The following TMEM181 variants were observed in gnomAD, a reference collection of about 807,000 sequenced individuals.
TMEM181 encodes G protein-coupled receptor 178.
A neutral mutation model predicts 71.9 loss-of-function variants in TMEM181; 39 were observed. That is an observed-to-expected ratio of 0.54 (90% CI 0.42 to 0.71). TMEM181 has a LOEUF of 0.71. Among genes scored for constraint, TMEM181 ranks in the 30% least tolerant of loss-of-function variants. The pLI is 0.00. For synonymous variants in TMEM181, 245 were observed against 228.8 expected (o/e 1.07, Z -0.64); for missense variants, 595 against 583.0 (o/e 1.02, Z -0.21).
intron 4 of TMEM181, 62 bp downstream of exon 4, chr6:158,584,106 G>A: frequency 4.3e-6 from 6 of 1,393,070 alleles, no homozygotes; most frequent in Non-Finnish European, 6.0e-6. Context: ...TATTTTAGAT[G>A]TTGACTTCAG....
At chr6:158,556,192 T>TATGAAAAAGCTGCTACCAAAAAGAGGG (rs1781882023), upstream of TMEM181, among the ~76,000 whole-genome samples, 1 of 152,008 alleles carries the variant, frequency 6.6e-6, no homozygotes, top group Admixed American at 6.6e-5. Flanking sequence ...TCCAGAATAA[T>TATGAAAAAGCTGCTACCAAAAAGAGGG]ATGAAAAAGC....
At chr6:158,574,205 A>G (rs1170389694) in intron 2 of TMEM181, among the ~76,000 whole-genome samples, 1 of 152,194 alleles carries the variant, frequency 6.6e-6, no homozygotes, top group Non-Finnish European at 1.5e-5. Context: ...TTGACTTAAT[A>G]CTAAAGTGTG....
intron 1 of TMEM181, among the ~76,000 whole-genome samples, chr6:158,548,769 A>T (rs1781624649): frequency 6.6e-6 from 1 of 152,238 alleles, no homozygotes; most frequent in East Asian, 1.9e-4. Context: ...AGGAGGACGA[A>T]TAAAGGCTTG....
In TMEM181 at chr6:158,608,412, G is replaced by C. The variant is rs1201080514; in HGVS notation, c.753G>C (p.Leu251=). Residue 251 remains leucine (L), a synonymous_variant, in exon 9 of 17, where the codon CTG becomes CTC. Transcript: ENST00000684151. Reference sequence around the variant, plus strand: ...ATGACCTCTTTCAGTCCATGTTCCTGTGCGCCCTGCTGCTCTTCTGGCTGT... The same window carrying C: ...ATGACCTCTTTCAGTCCATGTTCCTCTGCGCCCTGCTGCTCTTCTGGCTGT... ...MLDDLFQSMF[L]CALLLFWLCV... The C allele has an allele frequency of 1.2e-6, 2 of 1,614,210 alleles. No individual in the cohort carries two copies. Among genetic ancestry groups the C allele is most frequent in the Non-Finnish European group, 1.7e-6 (2 of 1,180,042 alleles).
exon 1 of TMEM181, chr6:158,536,672 G>C (rs902662851): frequency 4.0e-6 from 6 of 1,516,844 alleles, no homozygotes; most frequent in Non-Finnish European, 5.3e-6. Context: ...GGAGAAGAGA[G>C]GGGGCGCAGG....
At chr6:158,571,561 G>A (rs1782847314) in intron 1 of TMEM181, among the ~76,000 whole-genome samples, 1 of 149,848 alleles carries the variant, frequency 6.7e-6, no homozygotes, top group Non-Finnish European at 1.5e-5. Flanking sequence ...GCCTCCCAAA[G>A]TGCTGGGATT....
At chr6:158,629,921 T>A in intron 15 of TMEM181, 102 bp downstream of exon 15, 1 of 936,610 alleles carries the variant, frequency 1.1e-6, no homozygotes, top group South Asian at 1.3e-5. Flanking sequence ...GTGGGCGCTG[T>A]GATTCCCAGT....
At chr6:158,569,580 G>T (rs929472056) in intron 1 of TMEM181, among the ~76,000 whole-genome samples, 3 of 151,754 alleles carry the variant, frequency 2.0e-5, no homozygotes, top group African/African-American at 7.3e-5. Context: ...GGCGGGTTGT[G>T]CCCTCATGCC....
chr6:158,632,143 G>A lies in TMEM181; in HGVS notation c.*255G>A, dbSNP rs144567368. 1.7e-4 allele frequency: 81 copies of A among 486,776 alleles called. No homozygotes were observed. Among genetic ancestry groups the A allele is most frequent in the African/African-American group, 1.3e-3 (65 of 51,912 alleles). The allele number at this position is 486,776 out of a possible 1,614,324, so 30.2% of individuals were successfully genotyped here. ...CAAATCCTTTTTTACAGAGATTTCA[G>A]ATGAGCGTGTTTTCAGTGATGAGGA... On this transcript the variant is annotated 3_prime_UTR_variant, in exon 17 of 17. Coordinates refer to ENST00000684151, the MANE Select transcript of TMEM181 (RefSeq NM_001376852.1).
At position 158,566,748 on chromosome 6, in the gene TMEM181, GTGAGGAGTTGAGGGAGGTGATGA is replaced by G. The variant is rs1414091477; in HGVS notation, c.8+6522_8+6544del. Among the ~76,000 whole-genome samples, 137 of 152,100 alleles carry G rather than the reference GTGAGGAGTTGAGGGAGGTGATGA, an allele frequency of 9.0e-4. 2 individuals carry two copies. The highest frequency in any genetic ancestry group is 3.4e-3 in the Middle Eastern group (1 of 294). The stretch of plus-strand genomic sequence containing the variant: ...AAGTGATACGGTGAGGGAGGTGATG[GTGAGGAGTTGAGGGAGGTGATGA>G]TGAGGCTGTGGAGAGACCGACGGAA... On this transcript the variant is annotated intron_variant, in intron 1 of 16. Transcript: ENST00000684151.
chr6:158,626,776 A>AGG, intron 13 of TMEM181: 1 of 456,798 alleles, frequency 2.2e-6, no homozygotes, highest in Non-Finnish European at 4.4e-6. Context: ...ATAGAGGCTC[A>AGG]CTCACACCTC....
chr6:158,613,364 T>G (rs1186402084), intron 10 of TMEM181, among the ~76,000 whole-genome samples: 1 of 152,242 alleles, frequency 6.6e-6, no homozygotes, highest in East Asian at 1.9e-4. Flanking sequence ...GAGTAATTAT[T>G]TGCTACATAC....
At chr6:158,624,252 G>A (rs1398465516) in intron 11 of TMEM181, among the ~76,000 whole-genome samples, 1 of 152,210 alleles carries the variant, frequency 6.6e-6, no homozygotes, top group Non-Finnish European at 1.5e-5. Context: ...CCGGAGAGCA[G>A]AGCCTTCTCG....
intron 11 of TMEM181, 133 bp downstream of exon 11, chr6:158,623,740 C>T: frequency 1.8e-6 from 1 of 548,610 alleles, no homozygotes. Context: ...ATAGAAAGTT[C>T]AAGGGTGGAA....
At chr6:158,627,705 G>A (rs1235957887) in intron 13 of TMEM181, among the ~76,000 whole-genome samples, 5 of 152,238 alleles carry the variant, frequency 3.3e-5, no homozygotes, top group African/African-American at 9.6e-5. Flanking sequence ...GCGTGGGCAC[G>A]GCAGGAGGCA....
chr6:158,614,320 C>T (rs1409733530), intron 10 of TMEM181, among the ~76,000 whole-genome samples: 2 of 152,274 alleles, frequency 1.3e-5, no homozygotes, highest in East Asian at 3.9e-4. Flanking sequence ...GTTTTTGCTT[C>T]GCCAAAATGA....
rs373735803 is a variant in TMEM181, at chr6:158,577,204, A to C, written c.112+3681A>C. On this transcript the variant is annotated intron_variant, in intron 2 of 16. Transcript: ENST00000684151. ...CAGAGACTTTAAAACAGCTGTCTTA[A>C]AGGTGCTGAGGCAACTAAAGGAAGA... is the stretch of plus-strand genomic sequence containing the variant. Among the ~76,000 whole-genome samples, 26 of 152,340 alleles carry C rather than the reference A, an allele frequency of 1.7e-4. No homozygotes were observed. The East Asian group carries it at 4.8e-3, about 28-fold the overall frequency.
chr6:158,544,182 A>AGTGTGTGTGTGTGTGTGTGTGT (rs34605570), intron 1 of TMEM181, among the ~76,000 whole-genome samples: 2 of 127,560 alleles, frequency 1.6e-5, no homozygotes, highest in African/African-American at 6.1e-5. Context: ...AATTGGAGAG[A>AGTGTGTGTGTGTGTGTGTGTGT]GTGTGTGTGT....
At chr6:158,574,159 C>T (rs1217834942) in intron 2 of TMEM181, among the ~76,000 whole-genome samples, 3 of 152,110 alleles carry the variant, frequency 2.0e-5, no homozygotes, top group Non-Finnish European at 4.4e-5. Context: ...TATCTTTTTC[C>T]ATAAGGGTGA....
Sources: gnomAD v4.1 joint callset for allele counts (sites outside exome capture counted in the v4.1 genomes callset) on GRCh38, gnomAD v4.1.1 for gene constraint, MANE v1.5 for transcripts, NCBI Gene and HGNC (gene_info 2026-07-23, HGNC 2026-07-21) for gene names.